The following NKAIN2 variants were observed in gnomAD, a reference collection of about 807,000 sequenced individuals.
NKAIN2 encodes the protein sodium/potassium-transporting ATPase subunit beta-1-interacting protein 2.
NKAIN2 carries 14 observed loss-of-function variants against 32.6 expected under a neutral mutation model. The ratio of observed to expected loss-of-function variants is 0.43; its 90% CI spans 0.28 to 0.67. NKAIN2 has a LOEUF of 0.67. Among genes scored for constraint, NKAIN2 ranks in the 30% least tolerant of loss-of-function variants. The pLI, the probability that NKAIN2 is intolerant of heterozygous loss-of-function variation, is 0.17. For missense variants in NKAIN2, 198 were observed against 258.3 expected (o/e 0.77, Z 1.60); for synonymous variants, 80 against 87.2 (o/e 0.92, Z 0.46).
At chr6:124,083,069 T>C (rs1287922206) in intron 1 of NKAIN2, among the ~76,000 whole-genome samples, 1 of 151,974 alleles carries the variant, frequency 6.6e-6, no homozygotes, top group Non-Finnish European at 1.5e-5. Flanking sequence ...TAAATTCACA[T>C]CCTCATATGC....
chr6:124,128,489 C>A (rs547278167), intron 1 of NKAIN2, among the ~76,000 whole-genome samples: 1 of 152,270 alleles, frequency 6.6e-6, no homozygotes, highest in Non-Finnish European at 1.5e-5. Context: ...CTGGCCTAAT[C>A]TAAGAACTTT....
intron 3 of NKAIN2, among the ~76,000 whole-genome samples, chr6:124,614,661 T>G (rs1012831345): frequency 6.6e-6 from 1 of 151,880 alleles, no homozygotes; most frequent in Non-Finnish European, 1.5e-5. Context: ...CTCTACTCTT[T>G]CCTTTAATGA....
chr6:124,622,214 A>C (rs1357852401), intron 3 of NKAIN2, among the ~76,000 whole-genome samples: 1 of 152,174 alleles, frequency 6.6e-6, no homozygotes, highest in Non-Finnish European at 1.5e-5. Flanking sequence ...CTCTGCCTCC[A>C]TCTTTGCATG....
At chr6:124,386,804 T>A (rs1419470589) in intron 3 of NKAIN2, among the ~76,000 whole-genome samples, 1 of 152,144 alleles carries the variant, frequency 6.6e-6, no homozygotes, top group African/African-American at 2.4e-5. Context: ...TATCATCTCA[T>A]CCCTTCCCAA....
chr6:124,732,456 T>G (rs1485877739), intron 4 of NKAIN2, among the ~76,000 whole-genome samples: 1 of 152,104 alleles, frequency 6.6e-6, no homozygotes, highest in East Asian at 1.9e-4. Flanking sequence ...ATTCCATTAA[T>G]AAATGGTCAC....
intron 1 of NKAIN2, among the ~76,000 whole-genome samples, chr6:124,051,571 C>T (rs1203561390): frequency 6.6e-6 from 1 of 151,882 alleles, no homozygotes; most frequent in Non-Finnish European, 1.5e-5. Context: ...CTATCCCTCC[C>T]CGCTCCCCCG....
At chr6:124,259,005 G>A (rs1432171994) in intron 1 of NKAIN2, among the ~76,000 whole-genome samples, 2 of 152,132 alleles carry the variant, frequency 1.3e-5, no homozygotes, top group South Asian at 2.1e-4. Flanking sequence ...TGAAAGCACA[G>A]CCTCTCATCC....
chr6:123,845,728 C>T (rs1443286775), intron 1 of NKAIN2, among the ~76,000 whole-genome samples: 1 of 152,152 alleles, frequency 6.6e-6, no homozygotes, highest in Non-Finnish European at 1.5e-5. Context: ...TTGGTATACA[C>T]AGGAGGTCCT....
At chr6:124,098,164 T>G (rs970259062) in intron 1 of NKAIN2, among the ~76,000 whole-genome samples, 38 of 152,194 alleles carry the variant, frequency 2.5e-4, no homozygotes, top group Admixed American at 1.5e-3. Context: ...TAAATGGTCT[T>G]TATTGTTCCT....
chr6:124,765,575 G>A (rs1778475821), intron 4 of NKAIN2, among the ~76,000 whole-genome samples: 1 of 152,174 alleles, frequency 6.6e-6, no homozygotes, highest in African/African-American at 2.4e-5. Flanking sequence ...AGAGGCTCAG[G>A]CTGAGATAAG....
chr6:124,182,108 G>A (rs1358353173), intron 1 of NKAIN2, among the ~76,000 whole-genome samples: 1 of 152,184 alleles, frequency 6.6e-6, no homozygotes, highest in African/African-American at 2.4e-5. Context: ...GCAAAGGCAT[G>A]TCTTACTTGG....
chr6:123,920,620 A>G (rs924900177), intron 1 of NKAIN2, among the ~76,000 whole-genome samples: 4 of 152,064 alleles, frequency 2.6e-5, no homozygotes, highest in African/African-American at 4.8e-5. Flanking sequence ...TGTTTTGTCC[A>G]CTATATCACA....
At chr6:124,139,107 A>T (rs1424017178) in intron 1 of NKAIN2, among the ~76,000 whole-genome samples, 3 of 22,418 alleles carry the variant, frequency 1.3e-4, no homozygotes, top group Non-Finnish European at 1.6e-4. Flanking sequence ...TTTGAGACGG[A>T]GTCTCGCTCT....
chr6:123,997,482 A>G (rs925864125), intron 1 of NKAIN2, among the ~76,000 whole-genome samples: 4 of 152,036 alleles, frequency 2.6e-5, no homozygotes, highest in South Asian at 2.1e-4. Flanking sequence ...AGCAACACTT[A>G]GGAAATCACT....
intron 4 of NKAIN2, among the ~76,000 whole-genome samples, chr6:124,733,628 CA>C (rs1483199936): frequency 6.6e-6 from 1 of 151,674 alleles, no homozygotes; most frequent in Non-Finnish European, 1.5e-5. Flanking sequence ...CCAATTTTTT[CA>C]CTGTTTTAGT....
intron 2 of NKAIN2, among the ~76,000 whole-genome samples, chr6:124,317,626 T>C (rs1267261510): frequency 2.6e-5 from 4 of 152,064 alleles, no homozygotes; most frequent in Non-Finnish European, 5.9e-5. Context: ...CTTCATTAAC[T>C]TATATACTAT....
rs535271477 is a variant in NKAIN2, at chr6:124,425,093, C to T, written c.273+69746C>T. On this transcript the variant is annotated intron_variant, in intron 3 of 6. Transcript: ENST00000368417. ...TCAACCAGGGCACCAAGAAAAAGAT[C>T]GTTGCAACAATCTTTGGAAAATCCA... is the stretch of plus-strand genomic sequence containing the variant. Among the ~76,000 whole-genome samples the T allele has an allele frequency of 1.7e-4, 26 of 152,052 alleles. No individual in the cohort carries two copies. In the South Asian group the frequency reaches 3.7e-3, roughly 22 times the overall value.
intron 3 of NKAIN2, among the ~76,000 whole-genome samples, chr6:124,407,592 T>A (rs1173693600): frequency 1.3e-5 from 2 of 152,104 alleles, no homozygotes; most frequent in African/African-American, 2.4e-5. Flanking sequence ...ATCCAGTCTA[T>A]CATTGTTGGA....
intron 2 of NKAIN2, among the ~76,000 whole-genome samples, chr6:124,339,124 C>T (rs1338086315): frequency 1.3e-5 from 2 of 152,122 alleles, no homozygotes; most frequent in African/African-American, 4.8e-5. Flanking sequence ...GGGCGGATCA[C>T]GACATCAAGA....
Sources: gnomAD v4.1 joint callset for allele counts (sites outside exome capture counted in the v4.1 genomes callset) on GRCh38, gnomAD v4.1.1 for gene constraint, MANE v1.5 for transcripts, NCBI Gene and HGNC (gene_info 2026-07-23, HGNC 2026-07-21) for gene names.